The following CDKAL1 variants were observed in gnomAD, a reference collection of about 807,000 sequenced individuals.
CDKAL1 encodes the protein threonylcarbamoyladenosine tRNA methylthiotransferase.
CDKAL1 carries 32 observed loss-of-function variants against 68.2 expected under a neutral mutation model. That is an observed-to-expected ratio of 0.47 (90% CI 0.35 to 0.63). CDKAL1 has a LOEUF of 0.63. Ranked by LOEUF, CDKAL1 falls within the 30% of genes least tolerant of loss-of-function variation. The probability of loss-of-function intolerance (pLI) is 0.00; values close to 1 mark genes in which losing one functional copy is unlikely to be tolerated. For synonymous variants in CDKAL1, 234 were observed against 244.3 expected (o/e 0.96, Z 0.39); for missense variants, 606 against 696.7 (o/e 0.87, Z 1.47).
chr6:20,782,476 C>G (rs886951291), intron 8 of CDKAL1, among the ~76,000 whole-genome samples: 1 of 152,092 alleles, frequency 6.6e-6, no homozygotes, highest in Non-Finnish European at 1.5e-5. Flanking sequence ...AGGCTGTTTG[C>G]TTTCCCCTTC....
chr6:20,927,170 C>T (rs1359403603), intron 9 of CDKAL1, among the ~76,000 whole-genome samples: 1 of 152,104 alleles, frequency 6.6e-6, no homozygotes, highest in Non-Finnish European at 1.5e-5. Flanking sequence ...TGTGTTTAAA[C>T]AGCGCCTTTC....
chr6:21,102,958 T>C (rs1042177452), intron 12 of CDKAL1, among the ~76,000 whole-genome samples: 1 of 152,226 alleles, frequency 6.6e-6, no homozygotes, highest in African/African-American at 2.4e-5. Flanking sequence ...ACCCGCTCTT[T>C]TGGCTTCTTA....
chr6:20,594,611 G>A (rs1024849698), intron 4 of CDKAL1, among the ~76,000 whole-genome samples: 7 of 152,050 alleles, frequency 4.6e-5, no homozygotes, highest in Non-Finnish European at 7.4e-5. Flanking sequence ...ACAGCATGCC[G>A]ACGGGTCTTG....
intron 10 of CDKAL1, among the ~76,000 whole-genome samples, chr6:20,960,224 G>T (rs1213516507): frequency 2.0e-5 from 3 of 152,084 alleles, no homozygotes; most frequent in Non-Finnish European, 4.4e-5. Flanking sequence ...GAACTCCTGG[G>T]CTCAAGTGAT....
chr6:21,193,852 A>G (rs1326674693), intron 13 of CDKAL1, among the ~76,000 whole-genome samples: 3 of 152,226 alleles, frequency 2.0e-5, no homozygotes, highest in African/African-American at 7.2e-5. Context: ...TTTCTGCTGA[A>G]CAATTACATT....
intron 5 of CDKAL1, among the ~76,000 whole-genome samples, chr6:20,701,780 T>C (rs1771374224): frequency 6.6e-6 from 1 of 152,198 alleles, no homozygotes; most frequent in South Asian, 2.1e-4. Flanking sequence ...GTTTTGTGAA[T>C]GTTTACTAGA....
intron 11 of CDKAL1, among the ~76,000 whole-genome samples, chr6:21,035,053 C>T (rs776608981): frequency 2.0e-5 from 3 of 151,952 alleles, no homozygotes; most frequent in East Asian, 1.9e-4. Context: ...TAGAGCAAAA[C>T]GGAGACACCA....
intron 12 of CDKAL1, among the ~76,000 whole-genome samples, chr6:21,103,618 G>A (rs967667306): frequency 1.3e-5 from 2 of 152,102 alleles, no homozygotes; most frequent in African/African-American, 4.8e-5. Flanking sequence ...AATGCAGGAC[G>A]CAGCATGTAA....
At chr6:20,618,676 A>G (rs931855532) in intron 4 of CDKAL1, among the ~76,000 whole-genome samples, 3 of 151,350 alleles carry the variant, frequency 2.0e-5, no homozygotes, top group African/African-American at 7.3e-5. Flanking sequence ...CATTTTATCA[A>G]TTCTTTTCGT....
At chr6:20,775,089 T>C (rs1410677057) in intron 7 of CDKAL1, among the ~76,000 whole-genome samples, 1 of 152,196 alleles carries the variant, frequency 6.6e-6, no homozygotes, top group East Asian at 1.9e-4. Flanking sequence ...TATGTCTCAT[T>C]CTACATATAT....
intron 8 of CDKAL1, among the ~76,000 whole-genome samples, chr6:20,833,472 T>A (rs927426996): frequency 6.6e-6 from 1 of 152,172 alleles, no homozygotes; most frequent in Non-Finnish European, 1.5e-5. Flanking sequence ...GGATCTTAGA[T>A]GATACATAGA....
chr6:20,692,450 T>G (rs1770912515), intron 5 of CDKAL1, among the ~76,000 whole-genome samples: 1 of 152,228 alleles, frequency 6.6e-6, no homozygotes. Context: ...TTCTTCATTT[T>G]TATATGCTTT....
chr6:20,635,098 G>A (rs1387422839), intron 4 of CDKAL1, among the ~76,000 whole-genome samples: 9 of 152,156 alleles, frequency 5.9e-5, no homozygotes, highest in Non-Finnish European at 1.0e-4. Flanking sequence ...GTGAGGTTTA[G>A]TCATTTGCTT....
chr6:20,669,149 G>T (rs1471760225), intron 5 of CDKAL1, among the ~76,000 whole-genome samples: 1 of 151,870 alleles, frequency 6.6e-6, no homozygotes, highest in Non-Finnish European at 1.5e-5. Flanking sequence ...AGATATTTTG[G>T]GATTCTTTGG....
At chr6:20,889,570 A>C (rs1187469691) in intron 9 of CDKAL1, among the ~76,000 whole-genome samples, 1 of 152,196 alleles carries the variant, frequency 6.6e-6, no homozygotes, top group Non-Finnish European at 1.5e-5. Context: ...GAAGGGATCC[A>C]GTTTCAGCTT....
intron 10 of CDKAL1, among the ~76,000 whole-genome samples, chr6:20,997,457 A>G (rs1326852234): frequency 6.6e-6 from 1 of 151,364 alleles, no homozygotes; most frequent in Non-Finnish European, 1.5e-5. Context: ...TTTGTGTTCT[A>G]GCAGTATAAA....
intron 4 of CDKAL1, among the ~76,000 whole-genome samples, chr6:20,597,969 G>A (rs1278506427): frequency 6.6e-6 from 1 of 152,144 alleles, no homozygotes; most frequent in Non-Finnish European, 1.5e-5. Context: ...CCACTACTGA[G>A]TGTTAAAAAA....
At chr6:21,011,081 CAA>C (rs144955142) in intron 11 of CDKAL1, among the ~76,000 whole-genome samples, 11 of 44,508 alleles carry the variant, frequency 2.5e-4, no homozygotes, top group Admixed American at 2.7e-4. Flanking sequence ...GTCTCCATCT[CAA>C]AAAAAAAAAA....
At chr6:20,842,156 G>A (rs1581683059) in intron 8 of CDKAL1, among the ~76,000 whole-genome samples, 1 of 152,128 alleles carries the variant, frequency 6.6e-6, no homozygotes, top group African/African-American at 2.4e-5. Flanking sequence ...ATGTTGAAAT[G>A]ATTGGTCAAC....
Sources: gnomAD v4.1 joint callset for allele counts (sites outside exome capture counted in the v4.1 genomes callset) on GRCh38, gnomAD v4.1.1 for gene constraint, MANE v1.5 for transcripts, NCBI Gene and HGNC (gene_info 2026-07-23, HGNC 2026-07-21) for gene names.